The following BCAS3 variants were observed in gnomAD, a reference collection of about 807,000 sequenced individuals.
BCAS3 encodes BCAS3 microtubule associated cell migration factor.
A neutral mutation model predicts 116.1 loss-of-function variants in BCAS3; 53 were observed. The ratio of observed to expected loss-of-function variants is 0.46; its 90% confidence interval spans 0.37 to 0.57. The LOEUF is 0.57. Among genes scored for constraint, BCAS3 ranks in the 20% least tolerant of loss-of-function variants. The pLI is 0.00. For synonymous variants in BCAS3, 391 were observed against 408.2 expected (o/e 0.96, Z 0.51); for missense variants, 917 against 1,165.4 (o/e 0.79, Z 3.10).
chr17:61,175,759 G>T (rs150235235), intron 22 of BCAS3, among the ~76,000 whole-genome samples: 14 of 152,258 alleles, frequency 9.2e-5, no homozygotes, highest in African/African-American at 3.4e-4. Flanking sequence ...TCACCCAACT[G>T]ATAAAGGACT....
chr17:61,294,528 A>G (rs2052716501), intron 22 of BCAS3, among the ~76,000 whole-genome samples: 1 of 152,148 alleles, frequency 6.6e-6, no homozygotes, highest in African/African-American at 2.4e-5. Flanking sequence ...TAAGAAATAG[A>G]CCTTTTGTCT....
At chr17:60,910,508 T>C in intron 11 of BCAS3, 24 bp from the exon 12 acceptor site, 1 of 1,553,268 alleles carries the variant, frequency 6.4e-7, no homozygotes. Context: ...TGTGAAGTCA[T>C]ACATTTTACC....
At position 60,724,388 on chromosome 17, in the gene BCAS3, A is replaced by T. The variant is rs551154702; in HGVS notation, c.321+15063A>T. ...CAGTGAGCTGAGATCGCGCCACTGC[A>T]CTCCAGCCTGGGTGACAGAGTGAGA... On this transcript the variant is annotated intron_variant, in intron 5 of 23. Coordinates refer to ENST00000407086, the MANE Select transcript of BCAS3 (RefSeq NM_017679.5). Among the ~76,000 whole-genome samples, 3 of 133,354 alleles carry T rather than the reference A, an allele frequency of 2.2e-5. No individual in the cohort carries two copies. The East Asian group carries it at 6.7e-4, about 30-fold the overall frequency. 87.5% of individuals were successfully genotyped at this position (133,354 alleles called of 152,430 possible).
In BCAS3 at chr17:61,196,969, C is replaced by T. The variant is rs561938185; in HGVS notation, c.2425+112405C>T. ...GAGAAGATAATAATTGTGGTGTTGG[C>T]TCACTCCCAGAATTTTATCCAAGGG... On this transcript the variant is annotated intron_variant, in intron 22 of 23. Coordinates refer to ENST00000407086, the MANE Select transcript of BCAS3 (RefSeq NM_017679.5). This position sits in a 1 kb window ranked among gnomAD's most constrained non-coding sequence, Gnocchi z 4.7. Among the ~76,000 whole-genome samples, 3 of 152,302 alleles carry T rather than the reference C, an allele frequency of 2.0e-5. No homozygotes were observed. The highest frequency in any genetic ancestry group is 7.2e-5 in the African/African-American group (3 of 41,562).
At chr17:60,755,357 A>G (rs1047408225) in intron 6 of BCAS3, among the ~76,000 whole-genome samples, 4 of 152,210 alleles carry the variant, frequency 2.6e-5, no homozygotes, top group Admixed American at 6.5e-5. Context: ...CTTTTCCACT[A>G]TTCTTCAGGG....
intron 19 of BCAS3, chr17:61,070,366 A>AATTTATATATATATAT: frequency 3.2e-6 from 1 of 309,334 alleles, no homozygotes; most frequent in Non-Finnish European, 6.6e-6. Flanking sequence ...CCTAATTCTG[A>AATTTATATATATATAT]ATATATATAT....
chr17:61,010,095 G>T (rs2065009900), intron 15 of BCAS3, among the ~76,000 whole-genome samples: 1 of 143,660 alleles, frequency 7.0e-6, no homozygotes, highest in Non-Finnish European at 1.5e-5. Context: ...TTTTCCTGTG[G>T]AAGTGAGTCT....
intron 11 of BCAS3, among the ~76,000 whole-genome samples, chr17:60,910,255 T>C (rs2058422558): frequency 6.6e-6 from 1 of 152,224 alleles, no homozygotes; most frequent in Non-Finnish European, 1.5e-5. Context: ...TGTACCCTTA[T>C]GTAAAACAGA....
At position 61,349,930 on chromosome 17, in the gene BCAS3, A is replaced by G. The variant is rs1568915132; in HGVS notation, c.2426-18397A>G. On this transcript the variant is annotated intron_variant, in intron 22 of 23. Coordinates refer to ENST00000407086, the MANE Select transcript of BCAS3 (RefSeq NM_017679.5). The surrounding 1 kb of genome is among the most constrained non-coding windows in gnomAD (Gnocchi z 4.7). ...AAATTTGTGAAATTCAAACATTGTCATTCATTTCTGAATAGTTAAGATCAA... is the reference window on the plus strand; with the variant it reads ...AAATTTGTGAAATTCAAACATTGTCGTTCATTTCTGAATAGTTAAGATCAA... 1.3e-5 allele frequency among the ~76,000 whole-genome samples: 2 copies of G among 152,216 alleles called. No individual in the cohort carries two copies. Among genetic ancestry groups the G allele is most frequent in the South Asian group, 4.1e-4 (2 of 4,834 alleles).
intron 9 of BCAS3, among the ~76,000 whole-genome samples, chr17:60,883,195 T>C: frequency 6.9e-6 from 1 of 145,624 alleles, no homozygotes; most frequent in African/African-American, 2.6e-5. Flanking sequence ...TTTTATTCTC[T>C]TTGAAGCAAT....
rs953137915 is a variant in BCAS3 at position 61,356,349 on chromosome 17, A to G, written c.2426-11978A>G. Among the ~76,000 whole-genome samples the G allele has an allele frequency of 3.3e-5, 5 of 152,134 alleles. No homozygotes were observed. The stretch of plus-strand genomic sequence containing the variant: ...AAATGATTCTTCTCTTCCTCCTTGG[A>G]GGGGGAGAAATCATGAGTGTGCCAA... On this transcript the variant is annotated intron_variant, in intron 22 of 23. Coordinates refer to ENST00000407086, the MANE Select transcript of BCAS3 (RefSeq NM_017679.5). The surrounding 1 kb of genome is among the most constrained non-coding windows in gnomAD (Gnocchi z 5.4).
intron 22 of BCAS3, among the ~76,000 whole-genome samples, chr17:61,137,570 A>G (rs911681203): frequency 6.6e-6 from 1 of 152,162 alleles, no homozygotes; most frequent in African/African-American, 2.4e-5. Flanking sequence ...GGAGTTTGAG[A>G]CCAGCCTGGC....
At chr17:60,703,515 T>C (rs1299593977) in intron 4 of BCAS3, among the ~76,000 whole-genome samples, 1 of 151,654 alleles carries the variant, frequency 6.6e-6, no homozygotes, top group South Asian at 2.1e-4. Flanking sequence ...TGAGCTGAGA[T>C]AGCACATTGC....
At chr17:60,918,695 T>TC (rs2058908036) in intron 12 of BCAS3, among the ~76,000 whole-genome samples, 1 of 149,922 alleles carries the variant, frequency 6.7e-6, no homozygotes, top group East Asian at 1.9e-4. Context: ...TTCTCAATTT[T>TC]TTTTTTTTTT....
intron 14 of BCAS3, among the ~76,000 whole-genome samples, chr17:60,982,590 C>T (rs1466569067): frequency 6.6e-6 from 1 of 152,172 alleles, no homozygotes; most frequent in African/African-American, 2.4e-5. Context: ...AGTTTTTCCT[C>T]TCTCTACTGT....
At chr17:60,728,060 C>T (rs1309511137) in intron 5 of BCAS3, among the ~76,000 whole-genome samples, 3 of 152,062 alleles carry the variant, frequency 2.0e-5, no homozygotes, top group East Asian at 1.9e-4. Context: ...CTGCCCACCT[C>T]GGCCTCCCAA....
chr17:60,872,930 T>A (rs1352099706), intron 8 of BCAS3, among the ~76,000 whole-genome samples: 1 of 152,138 alleles, frequency 6.6e-6, no homozygotes, highest in Non-Finnish European at 1.5e-5. Flanking sequence ...CATTATTTGA[T>A]ATTTTCTGTC....
chr17:60,781,784 T>A (rs2045858055), intron 6 of BCAS3, among the ~76,000 whole-genome samples: 1 of 152,190 alleles, frequency 6.6e-6, no homozygotes, highest in African/African-American at 2.4e-5. Context: ...TTTTCATAAT[T>A]CCATTTTTTC....
intron 22 of BCAS3, among the ~76,000 whole-genome samples, chr17:61,245,631 T>C (rs564032985): frequency 6.6e-6 from 1 of 152,256 alleles, no homozygotes; most frequent in Admixed American, 6.5e-5. Flanking sequence ...GGTAGAAAAA[T>C]TGTATATGTT....
Sources: gnomAD v4.1 joint callset for allele counts (sites outside exome capture counted in the v4.1 genomes callset) on GRCh38, gnomAD v4.1.1 for gene constraint, Gnocchi (gnomAD v3.1) non-coding constraint, MANE v1.5 for transcripts, NCBI Gene and HGNC (gene_info 2026-07-23, HGNC 2026-07-21) for gene names.